The following SNX30 variants were observed in gnomAD, a reference collection of about 807,000 sequenced individuals.
SNX30 encodes sorting nexin family member 30.
Under a neutral mutation model 46.4 loss-of-function variants are expected in SNX30, and 24 were observed. That is an observed-to-expected ratio of 0.52 (90% CI 0.37 to 0.73). The LOEUF (loss-of-function observed/expected upper bound fraction) is 0.73, where lower values mean the gene tolerates loss of function less well. Among genes scored for constraint, SNX30 ranks in the 30% least tolerant of loss-of-function variants. The pLI is 0.00. For synonymous variants in SNX30, 189 were observed against 211.5 expected, an observed-to-expected ratio of 0.89 and a Z score of 0.92; for missense variants, 533 against 555.7, an observed-to-expected ratio of 0.96 and a Z score of 0.41.
intron 1 of SNX30, among the ~76,000 whole-genome samples, chr9:112,780,610 T>C (rs934971964): frequency 2.6e-5 from 4 of 152,164 alleles, no homozygotes; most frequent in African/African-American, 9.7e-5. Flanking sequence ...GCTCCTCCCT[T>C]GGTGTGGTAG....
At chr9:112,882,477 T>G (rs1350270661), downstream of SNX30, among the ~76,000 whole-genome samples, 1 of 152,180 alleles carries the variant, frequency 6.6e-6, no homozygotes, top group Admixed American at 6.5e-5. Flanking sequence ...GGACATGACC[T>G]GATTCACACT....
chr9:112,777,991 T>G (rs1470477314), intron 1 of SNX30, among the ~76,000 whole-genome samples: 1 of 152,166 alleles, frequency 6.6e-6, no homozygotes, highest in Non-Finnish European at 1.5e-5. Flanking sequence ...TGTTTTTTGC[T>G]CTAGGTGTCT....
intron 1 of SNX30, among the ~76,000 whole-genome samples, chr9:112,777,695 G>A (rs1295513599): frequency 3.1e-5 from 4 of 127,268 alleles, no homozygotes; most frequent in East Asian, 2.5e-4. Flanking sequence ...TGATCCTCCC[G>A]CCTCAACCTC....
chr9:112,876,392 TC>T (rs1841517954), downstream of SNX30, among the ~76,000 whole-genome samples: 1 of 148,150 alleles, frequency 6.7e-6, no homozygotes, highest in Middle Eastern at 3.7e-3. Context: ...CAGCAGGAGA[TC>T]ACTTGAGCCC....
At chr9:112,772,512 C>T (rs552349875) in intron 1 of SNX30, among the ~76,000 whole-genome samples, 2 of 152,168 alleles carry the variant, frequency 1.3e-5, no homozygotes, top group African/African-American at 2.4e-5. Flanking sequence ...CTCGTGTGTG[C>T]GTGTGGAGAT....
At chr9:112,876,930 T>TG (rs1491198173), downstream of SNX30, among the ~76,000 whole-genome samples, 1 of 28,636 alleles carries the variant, frequency 3.5e-5, no homozygotes, top group Non-Finnish European at 7.1e-5. Flanking sequence ...AGTAAGACTG[T>TG]CAAAAAAAAA....
chr9:112,833,888 GCC>G (rs1478298302), intron 4 of SNX30, among the ~76,000 whole-genome samples: 3 of 152,204 alleles, frequency 2.0e-5, no homozygotes, highest in Non-Finnish European at 2.9e-5. Flanking sequence ...CTCTCAGGCA[GCC>G]TGACTCTGAA....
At chr9:112,780,370 G>A (rs1323905084) in intron 1 of SNX30, among the ~76,000 whole-genome samples, 3 of 152,150 alleles carry the variant, frequency 2.0e-5, no homozygotes, top group Non-Finnish European at 2.9e-5. Flanking sequence ...CGTTAAGATG[G>A]TAAGTTTTAT....
downstream of SNX30, chr9:112,879,408 T>A (rs1335568387): frequency 4.6e-6 from 1 of 219,736 alleles, no homozygotes. Context: ...GACAGTCCCT[T>A]GAAGAAAAGG....
chr9:112,768,807 C>T (rs1588109544), intron 1 of SNX30, among the ~76,000 whole-genome samples: 1 of 152,050 alleles, frequency 6.6e-6, no homozygotes, highest in African/African-American at 2.4e-5. Context: ...CGGGCACCTG[C>T]CACCACGCTG....
At chr9:112,759,907 G>A (rs1399851350) in intron 1 of SNX30, among the ~76,000 whole-genome samples, 2 of 152,146 alleles carry the variant, frequency 1.3e-5, no homozygotes, top group Admixed American at 6.5e-5. Context: ...AAGACCCAGC[G>A]AGTTCGTAGA....
At chr9:112,848,136 A>G (rs1372973739) in intron 6 of SNX30, among the ~76,000 whole-genome samples, 2 of 152,064 alleles carry the variant, frequency 1.3e-5, no homozygotes, top group Non-Finnish European at 1.5e-5. Context: ...TTGATGTGTC[A>G]TATCAATGGG....
chr9:112,824,658 G>A (rs1043936504), intron 3 of SNX30, among the ~76,000 whole-genome samples: 7 of 152,144 alleles, frequency 4.6e-5, no homozygotes, highest in South Asian at 4.2e-4. Context: ...CCACCAGAAG[G>A]CTCTAGGGGA....
intron 7 of SNX30, chr9:112,856,738 C>G (rs1216212618): frequency 6.6e-6 from 1 of 152,100 alleles, no homozygotes. Flanking sequence ...GAGACTTCTA[C>G]ATACAGAGCT....
At chr9:112,782,868 T>C (rs1839867359) in intron 1 of SNX30, among the ~76,000 whole-genome samples, 1 of 152,242 alleles carries the variant, frequency 6.6e-6, no homozygotes, top group Non-Finnish European at 1.5e-5. Flanking sequence ...CATTTATTTC[T>C]ATTGTAAGAG....
At chr9:112,785,402 G>A (rs1046417996) in intron 1 of SNX30, among the ~76,000 whole-genome samples, 1 of 115,560 alleles carries the variant, frequency 8.7e-6, no homozygotes, top group African/African-American at 3.2e-5. Context: ...TTTTTTTTTG[G>A]AGATAGAATC....
Position 112,868,856 on chromosome 9 carries a change from GGACGGA to G in SNX30, c.*17_*22del, listed in dbSNP as rs745590482. On this transcript the variant is annotated 3_prime_UTR_variant, in exon 9 of 9. Coordinates refer to ENST00000374232, the MANE Select transcript of SNX30 (RefSeq NM_001012994.2). ...AGAGGCCAAGTAAAGTTCTTTCTTG[GGACGGA>G]GACTCTTCTACCTACACAGGGCCTG... 6.2e-7 allele frequency: 1 copy of G among 1,613,846 alleles called. No homozygotes were observed. The highest frequency in any genetic ancestry group is 8.5e-7 in the Non-Finnish European group (1 of 1,179,750).
intron 1 of SNX30, among the ~76,000 whole-genome samples, chr9:112,752,511 G>C (rs980835992): frequency 1.3e-5 from 2 of 152,064 alleles, no homozygotes; most frequent in Admixed American, 1.3e-4. Context: ...AGGCTGAGGC[G>C]GGAGGATTGC....
intron 1 of SNX30, among the ~76,000 whole-genome samples, chr9:112,783,390 G>A (rs983360350): frequency 4.6e-5 from 7 of 152,188 alleles, no homozygotes; most frequent in Admixed American, 3.3e-4. Flanking sequence ...TAAGGGTTAA[G>A]TGAGACATTT....
Sources: allele counts gnomAD v4.1 joint callset (sites outside exome capture counted in the v4.1 genomes callset), GRCh38; gene constraint gnomAD v4.1.1; transcripts MANE v1.5; gene names NCBI Gene and HGNC (gene_info 2026-07-23, HGNC 2026-07-21).